Variants in FBXO34 observed in about 807,000 individuals in gnomAD.
The protein encoded by FBXO34 is F-box protein 34.
In FBXO34, 12 loss-of-function variants were observed where a neutral mutation model predicts 24.5. The observed-to-expected ratio is 0.49, with a 90% CI of 0.31 to 0.79. FBXO34 has a LOEUF of 0.79. Ranked by LOEUF, FBXO34 falls within the 30% of genes least tolerant of loss-of-function variation. The pLI is 0.04. For missense variants in FBXO34, 823 were observed against 857.7 expected (o/e 0.96, Z 0.51); for synonymous variants, 320 against 311.9 (o/e 1.03, Z -0.27).
chr14:55,429,499 C>T, the FBXO34 span, among the ~76,000 whole-genome samples: 1 of 152,194 alleles, frequency 6.6e-6, no homozygotes, highest in Non-Finnish European at 1.5e-5. Context: ...CACAGTGGCT[C>T]ACGCCTGTAA....
chr14:55,429,041 T>A, the FBXO34 span: 1 of 1,567,466 alleles, frequency 6.4e-7, no homozygotes, highest in Non-Finnish European at 8.7e-7. Context: ...TGGTGTTGTA[T>A]TGGATTGTTA....
At chr14:55,364,076 G>A (rs1039972217), downstream of FBXO34, among the ~76,000 whole-genome samples, 12 of 151,932 alleles carry the variant, frequency 7.9e-5, no homozygotes, top group Middle Eastern at 3.4e-3. Flanking sequence ...TCAGCCTCCC[G>A]AGTAGCTGGG....
In FBXO34 at chr14:55,311,569, C is replaced by G. The variant is rs1302422252; in HGVS notation, c.-10-38812C>G. 6.8e-4 allele frequency among the ~76,000 whole-genome samples: 104 copies of G among 152,114 alleles called. 2 individuals are homozygous for G. The highest frequency in any genetic ancestry group is 1.8e-4 in the Non-Finnish European group (12 of 68,030). On this transcript the variant is annotated intron_variant, in intron 1 of 1. Coordinates refer to ENST00000313833, the MANE Select transcript of FBXO34 (RefSeq NM_017943.4). ...CCTTCCACCTAGCAGCCTGTAAAATCAAAAGCAAGTTAGTTACTTCCAAGA... is the reference window on the plus strand; with the variant it reads ...CCTTCCACCTAGCAGCCTGTAAAATGAAAAGCAAGTTAGTTACTTCCAAGA...
At chr14:55,375,809 C>T in the FBXO34 span, among the ~76,000 whole-genome samples, 1 of 152,186 alleles carries the variant, frequency 6.6e-6, no homozygotes, top group Non-Finnish European at 1.5e-5. Flanking sequence ...GTTAACACAG[C>T]ACTGATAGTA....
At chr14:55,363,359 G>T (rs1884619564), downstream of FBXO34, among the ~76,000 whole-genome samples, 1 of 148,840 alleles carries the variant, frequency 6.7e-6, no homozygotes, top group South Asian at 2.1e-4. Context: ...GATAGAGTCT[G>T]CTCTTTCGTC....
chr14:55,427,385 A>G, the FBXO34 span, among the ~76,000 whole-genome samples: 1 of 152,248 alleles, frequency 6.6e-6, no homozygotes, highest in Non-Finnish European at 1.5e-5. Flanking sequence ...ATGAATGAAA[A>G]TATTTTAGAA....
chr14:55,307,584 AG>A (rs1266472259), intron 1 of FBXO34, among the ~76,000 whole-genome samples: 1 of 152,214 alleles, frequency 6.6e-6, no homozygotes, highest in Non-Finnish European at 1.5e-5. Flanking sequence ...TTTATAAACA[AG>A]GTAGAAAGAA....
the FBXO34 span, chr14:55,391,002 G>T: frequency 6.3e-7 from 1 of 1,591,708 alleles, no homozygotes; most frequent in Non-Finnish European, 8.6e-7. Flanking sequence ...TCTGAAAAAA[G>T]CATGTAATAA....
chr14:55,377,920 G>C, the FBXO34 span: 1 of 1,595,188 alleles, frequency 6.3e-7, no homozygotes, highest in Non-Finnish European at 8.5e-7. Context: ...AAAAATTAAA[G>C]AATTGGTTAA....
At chr14:55,394,028 A>G in the FBXO34 span, among the ~76,000 whole-genome samples, 2 of 139,410 alleles carry the variant, frequency 1.4e-5, no homozygotes, top group Admixed American at 7.4e-5. Context: ...TTTTTTTGAG[A>G]TGGAGTGTTG....
intron 1 of FBXO34, among the ~76,000 whole-genome samples, chr14:55,286,257 C>T (rs568054471): frequency 4.6e-5 from 7 of 152,068 alleles, no homozygotes; most frequent in East Asian, 3.9e-4. Context: ...GAAGATTCGA[C>T]GTGAATTCAA....
intron 1 of FBXO34, among the ~76,000 whole-genome samples, chr14:55,329,195 G>A (rs11625423): frequency 0.38 from 53,707 of 142,828 alleles, 10,798 homozygotes; most frequent in Non-Finnish European, 0.41. Flanking sequence ...TATTGTCCCA[G>A]TCTTAAAATT....
chr14:55,341,360 A>C (rs1883985928), intron 1 of FBXO34, among the ~76,000 whole-genome samples: 1 of 152,236 alleles, frequency 6.6e-6, no homozygotes, highest in Non-Finnish European at 1.5e-5. Context: ...GAAAGTGCAC[A>C]GATGGGCCTA....
At chr14:55,388,141 C>A in the FBXO34 span, among the ~76,000 whole-genome samples, 1 of 152,068 alleles carries the variant, frequency 6.6e-6, no homozygotes, top group African/African-American at 2.4e-5. Context: ...CATCTCAAAA[C>A]CAACAACAAC....
chr14:55,395,055 CT>C, the FBXO34 span: 2 of 499,736 alleles, frequency 4.0e-6, no homozygotes. Flanking sequence ...ACTTTTCCCC[CT>C]TTGCTCCCCT....
the FBXO34 span, among the ~76,000 whole-genome samples, chr14:55,390,557 G>C: frequency 6.6e-6 from 1 of 152,106 alleles, no homozygotes; most frequent in East Asian, 1.9e-4. Flanking sequence ...GTATTTAGTA[G>C]AGACGGAGTT....
At chr14:55,392,475 C>T in the FBXO34 span, among the ~76,000 whole-genome samples, 1 of 151,996 alleles carries the variant, frequency 6.6e-6, no homozygotes, top group East Asian at 1.9e-4. Flanking sequence ...TGGCGAAACC[C>T]CATCTCTACC....
chr14:55,362,850 T>G (rs1283775922), downstream of FBXO34, among the ~76,000 whole-genome samples: 1 of 152,024 alleles, frequency 6.6e-6, no homozygotes, highest in Non-Finnish European at 1.5e-5. Flanking sequence ...TTTTTTTAAT[T>G]AGGGAAATAA....
At chr14:55,287,993 T>C (rs1397954001) in intron 1 of FBXO34, among the ~76,000 whole-genome samples, 1 of 152,268 alleles carries the variant, frequency 6.6e-6, no homozygotes, top group Non-Finnish European at 1.5e-5. Context: ...TTTCCACTTG[T>C]GGCATCGTGT....
Sources: gnomAD v4.1 joint callset for allele counts (sites outside exome capture counted in the v4.1 genomes callset) on GRCh38, gnomAD v4.1.1 for gene constraint, MANE v1.5 for transcripts, NCBI Gene and HGNC (gene_info 2026-07-23, HGNC 2026-07-21) for gene names.